COL21A1: variants seen among roughly 807,000 people sequenced by gnomAD.
The protein encoded by COL21A1 is collagen alpha-1(XXI) chain.
A neutral mutation model predicts 137.9 loss-of-function variants in COL21A1; 149 were observed. The observed-to-expected ratio is 1.08, with a 90% CI of 0.95 to 1.24. COL21A1 has a LOEUF of 1.24. Among genes scored for constraint, COL21A1 ranks in the 50% most tolerant of loss-of-function variants. The probability of loss-of-function intolerance (pLI) is 0.00; values close to 1 mark genes in which losing one functional copy is unlikely to be tolerated. For missense variants in COL21A1, 1,167 were observed against 1,158.4 expected, an observed-to-expected ratio of 1.01 and a Z score of -0.11; for synonymous variants, 456 against 391.5, an observed-to-expected ratio of 1.16 and a Z score of -1.95.
chr6:56,077,799 A>G (rs1767377176), intron 17 of COL21A1: 1 of 455,216 alleles, frequency 2.2e-6, no homozygotes, highest in African/African-American at 2.0e-5. Flanking sequence ...AGGCTTTTTG[A>G]AAAAGAAACT....
chr6:56,276,627 CA>C, intron 1 of COL21A1: 1 of 1,438,708 alleles, frequency 7.0e-7, no homozygotes, highest in Non-Finnish European at 9.8e-7. Flanking sequence ...TTATATTTCT[CA>C]AAATCAATTT....
At chr6:56,213,129 T>C (rs2152307459) in intron 1 of COL21A1, among the ~76,000 whole-genome samples, 1 of 152,258 alleles carries the variant, frequency 6.6e-6, no homozygotes. Flanking sequence ...CGTATTCCTT[T>C]GGTTGTTTCT....
chr6:56,144,320 C>T (rs780799285), intron 10 of COL21A1, among the ~76,000 whole-genome samples: 15 of 152,064 alleles, frequency 9.9e-5, no homozygotes, highest in East Asian at 1.9e-4. Flanking sequence ...TGCTTTATGG[C>T]GGGTCAGATC....
chr6:56,365,188 C>G (rs1289504513), intron 1 of COL21A1, among the ~76,000 whole-genome samples: 1 of 152,136 alleles, frequency 6.6e-6, no homozygotes, highest in Non-Finnish European at 1.5e-5. Flanking sequence ...ATTTTCAAAT[C>G]TCTATTAATC....
chr6:56,356,001 G>A (rs183123570), intron 1 of COL21A1, among the ~76,000 whole-genome samples: 23 of 152,266 alleles, frequency 1.5e-4, no homozygotes, highest in South Asian at 2.1e-4. Context: ...AAATGGATTC[G>A]GACCTTGCTG....
intron 1 of COL21A1, among the ~76,000 whole-genome samples, chr6:56,339,376 A>AC (rs70989707): frequency 6.6e-6 from 1 of 150,764 alleles, no homozygotes; most frequent in Non-Finnish European, 1.5e-5. Context: ...AGTGTCTGAA[A>AC]GTAGTACTAC....
intron 1 of COL21A1, among the ~76,000 whole-genome samples, chr6:56,365,218 T>C (rs1387509498): frequency 6.6e-6 from 1 of 152,180 alleles, no homozygotes. Context: ...TATCTACACT[T>C]GACCAAAATG....
intron 12 of COL21A1, among the ~76,000 whole-genome samples, chr6:56,134,652 C>T (rs760732975): frequency 7.1e-4 from 108 of 152,196 alleles, no homozygotes; most frequent in Admixed American, 1.2e-3. Flanking sequence ...TTCCATAATT[C>T]CCACTTGTGG....
At chr6:56,125,346 T>TCAA in intron 14 of COL21A1, 1 of 346,756 alleles carries the variant, frequency 2.9e-6, no homozygotes, top group Non-Finnish European at 5.2e-6. Context: ...CTCAGAATGA[T>TCAA]CAACAATACA....
At chr6:56,255,334 G>GGTGTGTGTGTGTGT (rs71783697) in intron 1 of COL21A1, among the ~76,000 whole-genome samples, 2 of 145,490 alleles carry the variant, frequency 1.4e-5, no homozygotes, top group African/African-American at 5.1e-5. Flanking sequence ...TTGTTAAGAG[G>GGTGTGTGTGTGTGT]GTGTGTGTGT....
intron 1 of COL21A1, among the ~76,000 whole-genome samples, chr6:56,316,954 G>A (rs113121786): frequency 6.6e-6 from 1 of 152,092 alleles, no homozygotes; most frequent in Admixed American, 6.6e-5. Flanking sequence ...GTGTCATTTA[G>A]TATACAAAGA....
chr6:56,348,171 T>G (rs1333537973), intron 1 of COL21A1, among the ~76,000 whole-genome samples: 1 of 152,112 alleles, frequency 6.6e-6, no homozygotes, highest in Non-Finnish European at 1.5e-5. Flanking sequence ...TGCTTTAGCA[T>G]GTAGGAAGGG....
At chr6:56,062,446 T>C (rs1765878474) in intron 24 of COL21A1, among the ~76,000 whole-genome samples, 1 of 152,128 alleles carries the variant, frequency 6.6e-6, no homozygotes, top group South Asian at 2.1e-4. Context: ...TGAAATTCAT[T>C]GTACACCTGG....
At chr6:56,141,703 C>T in intron 12 of COL21A1, 82 bp downstream of exon 12, 1 of 1,419,642 alleles carries the variant, frequency 7.0e-7, no homozygotes, top group Non-Finnish European at 1.0e-6. Context: ...AAGACGCAGA[C>T]TATTGAATGG....
chr6:56,106,776 T>G lies in COL21A1; in HGVS notation c.1759-5251A>C, dbSNP rs375550271. Among the ~76,000 whole-genome samples, 6 of 151,808 alleles carry G rather than the reference T, an allele frequency of 4.0e-5. No individual in the cohort carries two copies. In the East Asian group the frequency reaches 9.7e-4, roughly 24 times the overall value. On this transcript the variant is annotated intron_variant, in intron 16 of 29. Transcript: ENST00000244728. ...TGAAACAAAATACTGTAACCTGGAT[T>G]AACAAACATTATACAAGTTTTTTTT...
At chr6:56,234,925 C>CTT (rs1781806254) in intron 1 of COL21A1, among the ~76,000 whole-genome samples, 4 of 151,162 alleles carry the variant, frequency 2.6e-5, no homozygotes, top group African/African-American at 7.3e-5. Context: ...ACAACATCTT[C>CTT]CCCTGCTCCA....
intron 1 of COL21A1, among the ~76,000 whole-genome samples, chr6:56,238,494 T>G (rs1046349845): frequency 1.3e-5 from 2 of 149,372 alleles, no homozygotes; most frequent in African/African-American, 2.5e-5. Context: ...ACAAACCACT[T>G]GCAGTTACAA....
intron 1 of COL21A1, among the ~76,000 whole-genome samples, chr6:56,270,273 T>C (rs2397211): frequency 0.11 from 16,959 of 152,252 alleles, 1,643 homozygotes; most frequent in African/African-American, 0.26. Flanking sequence ...GCTATTCTTA[T>C]GTCAGCTAAA....
At chr6:56,386,480 G>C (rs2094018463) in intron 1 of COL21A1, among the ~76,000 whole-genome samples, 1 of 152,246 alleles carries the variant, frequency 6.6e-6, no homozygotes, top group African/African-American at 2.4e-5. Context: ...GGGTCATGTA[G>C]TAGTTCTTTT....
Sources: gnomAD v4.1 joint callset for allele counts (sites outside exome capture counted in the v4.1 genomes callset) on GRCh38, gnomAD v4.1.1 for gene constraint, MANE v1.5 for transcripts, NCBI Gene and HGNC (gene_info 2026-07-23, HGNC 2026-07-21) for gene names.